The following PCDHA13 variants were observed in gnomAD, a reference collection of about 807,000 sequenced individuals.
PCDHA13 encodes protocadherin alpha-13.
Under a neutral mutation model 64.8 loss-of-function variants are expected in PCDHA13, and 54 were observed. The ratio of observed to expected loss-of-function variants is 0.83; its 90% CI spans 0.67 to 1.04. PCDHA13 has a LOEUF of 1.04. Among genes scored for constraint, PCDHA13 ranks in the 50% least tolerant of loss-of-function variants. PCDHA13 has a pLI of 0.00. For missense variants in PCDHA13, 1,248 were observed against 1,254.3 expected (o/e 0.99, Z 0.08); for synonymous variants, 587 against 564.4 (o/e 1.04, Z -0.57).
chr5:140,990,729 C>G (rs2097409512), intron 3 of PCDHA13, among the ~76,000 whole-genome samples: 1 of 152,134 alleles, frequency 6.6e-6, no homozygotes, highest in Non-Finnish European at 1.5e-5. Flanking sequence ...CTAGGTATAT[C>G]AACAGCCCTA....
Position 140,946,631 on chromosome 5 carries a change from T to TATATATATATATATACAC in PCDHA13, c.2395-32317_2395-32316insTATATATATATATACACA, listed in dbSNP as rs57893927. 8.0e-4 allele frequency among the ~76,000 whole-genome samples: 106 copies of TATATATATATATATACAC among 131,838 alleles called. 2 individuals carry two copies. The East Asian group carries it at 0.018, about 23-fold the overall frequency. 86.5% of individuals were successfully genotyped at this position (131,838 alleles called of 152,430 possible). A position where few individuals can be genotyped will look rare whatever the true frequency, so the allele number is the denominator to read the frequency against. On this transcript the variant is annotated intron_variant, in intron 1 of 3. Transcript: ENST00000289272. ...TGTGAAATATATATATATATATATA[T>TATATATATATATATACAC]ACAATGGAATACTCATCAGCCATTA...
At chr5:140,972,296 T>C (rs1303430452) in intron 1 of PCDHA13, among the ~76,000 whole-genome samples, 2 of 151,468 alleles carry the variant, frequency 1.3e-5, no homozygotes, top group Non-Finnish European at 2.9e-5. Flanking sequence ...TGCGCCACCG[T>C]GTCTGACTAG....
intron 3 of PCDHA13, among the ~76,000 whole-genome samples, chr5:141,000,500 T>A (rs1440390927): frequency 5.7e-5 from 8 of 140,516 alleles, no homozygotes; most frequent in Non-Finnish European, 1.2e-4. Context: ...AGATCTCGGC[T>A]CACTGCAACC....
chr5:140,968,637 T>C, intron 1 of PCDHA13: 1 of 1,614,208 alleles, frequency 6.2e-7, no homozygotes. Flanking sequence ...TTTTACCATC[T>C]AGCCCAGACT....
chr5:140,924,714 G>C (rs2081964744), intron 1 of PCDHA13, among the ~76,000 whole-genome samples: 1 of 151,860 alleles, frequency 6.6e-6, no homozygotes, highest in African/African-American at 2.4e-5. Context: ...GTGCAACATG[G>C]CGAAACCTCA....
chr5:140,897,255 C>A (rs890766563), intron 1 of PCDHA13, among the ~76,000 whole-genome samples: 2 of 151,828 alleles, frequency 1.3e-5, no homozygotes, highest in Admixed American at 1.3e-4. Flanking sequence ...CATATGTATA[C>A]ATGTGCCATG....
rs2098418726 is a variant in PCDHA13 at position 141,010,899 on chromosome 5, C to T, written c.*962C>T. 2 of 153,680 alleles carry T rather than the reference C, an allele frequency of 1.3e-5. No individual in the cohort carries two copies. Among genetic ancestry groups the T allele is most frequent in the Admixed American group, 6.6e-5 (1 of 15,264 alleles). The allele number at this position is 153,680 out of a possible 1,614,324, so 9.5% of individuals were successfully genotyped here. ...TTTAAAGAGAAATATGAATACAATT[C>T]CCCTAAACTCTCCTCAAAAGAGAAT... On this transcript the variant is annotated 3_prime_UTR_variant, in exon 4 of 4. Coordinates refer to ENST00000289272, the MANE Select transcript of PCDHA13 (RefSeq NM_018904.3).
At position 140,883,378 on chromosome 5, in the gene PCDHA13, C is replaced by A; in HGVS notation, c.1110C>A (p.Ala370=). Residue 370 remains alanine, a synonymous_variant, in exon 1 of 4, where the codon GCC becomes GCA. Coordinates refer to ENST00000289272, the MANE Select transcript of PCDHA13 (RefSeq NM_018904.3). ...REDTQPSAII[A]LISVSDRDSG... ...ACACTCAGCCTAGCGCCATTATTGCCCTAATCAGTGTGTCCGATCGTGACT... is the reference window on the plus strand; with the variant it reads ...ACACTCAGCCTAGCGCCATTATTGCACTAATCAGTGTGTCCGATCGTGACT... 1 of 1,614,146 alleles carries A rather than the reference C, an allele frequency of 6.2e-7. No individual in the cohort carries two copies.
chr5:140,941,218 T>TCTTTCTTC, intron 1 of PCDHA13, among the ~76,000 whole-genome samples: 1 of 125,730 alleles, frequency 8.0e-6, no homozygotes, highest in African/African-American at 3.3e-5. Context: ...TTTCTTCCTT[T>TCTTTCTTC]CTTTCTTTCT....
At chr5:140,934,729 T>G (rs2090016432) in intron 1 of PCDHA13, among the ~76,000 whole-genome samples, 1 of 152,164 alleles carries the variant, frequency 6.6e-6, no homozygotes, top group Non-Finnish European at 1.5e-5. Context: ...CAAGGCCTTT[T>G]TTAGGTGTCA....
intron 1 of PCDHA13, chr5:140,967,928 A>T (rs1438894870): frequency 3.1e-6 from 5 of 1,614,082 alleles, no homozygotes; most frequent in Non-Finnish European, 3.4e-6. Flanking sequence ...GGCCGTTCTC[A>T]GTGTCAATGA....
At chr5:140,937,064 G>A (rs2091301496) in intron 1 of PCDHA13, among the ~76,000 whole-genome samples, 1 of 143,854 alleles carries the variant, frequency 7.0e-6, no homozygotes, top group Admixed American at 7.1e-5. Context: ...TTGAGACGGA[G>A]TCTCGCTCTG....
Position 140,884,593 on chromosome 5 carries a change from C to A in PCDHA13, c.2325C>A (p.Ser775Arg). Reference protein sequence around the residue: ...HKTDLMAFSPSLPPCLGSAEG... With the variant: ...HKTDLMAFSPRLPPCLGSAEG... ...CGGACCTCATGGCCTTCAGTCCCAG[C>A]CTTCCTCCTTGTCTGGGTTCTGCAG... The change falls in exon 1 of 4, where the codon AGC becomes AGA. Residue 775 changes from serine to arginine, a missense_variant. Coordinates refer to ENST00000289272, the MANE Select transcript of PCDHA13 (RefSeq NM_018904.3). The A allele has an allele frequency of 6.2e-7, 1 of 1,614,162 alleles. No individual in the cohort carries two copies. Among genetic ancestry groups the A allele is most frequent in the Non-Finnish European group, 8.5e-7 (1 of 1,180,020 alleles).
At chr5:140,925,941 G>A (rs1311329302) in intron 1 of PCDHA13, among the ~76,000 whole-genome samples, 2 of 138,504 alleles carry the variant, frequency 1.4e-5, no homozygotes, top group South Asian at 2.1e-4. Flanking sequence ...GAGCCTCTTG[G>A]AGAAGGAGAA....
At chr5:140,964,658 G>T (rs2095846855) in intron 1 of PCDHA13, among the ~76,000 whole-genome samples, 1 of 151,968 alleles carries the variant, frequency 6.6e-6, no homozygotes, top group Admixed American at 6.6e-5. Context: ...AATGGGTGAG[G>T]ACACAGGCCA....
chr5:140,955,386 G>T (rs942993673), intron 1 of PCDHA13, among the ~76,000 whole-genome samples: 4 of 152,080 alleles, frequency 2.6e-5, no homozygotes, highest in African/African-American at 9.7e-5. Flanking sequence ...AATCATGGGG[G>T]CAATTATCCC....
intron 1 of PCDHA13, among the ~76,000 whole-genome samples, chr5:140,937,273 G>A (rs1165421382): frequency 1.3e-5 from 2 of 151,966 alleles, no homozygotes; most frequent in African/African-American, 2.4e-5. Context: ...TCCTGACCTC[G>A]TGATTCACCC....
At chr5:140,942,445 A>G (rs1323056710) in intron 1 of PCDHA13, among the ~76,000 whole-genome samples, 5 of 152,016 alleles carry the variant, frequency 3.3e-5, no homozygotes, top group Non-Finnish European at 7.4e-5. Context: ...AAACAAGTAA[A>G]CTATCAATTA....
chr5:141,000,395 C>CTCTCTATA (rs1213762225), intron 3 of PCDHA13, among the ~76,000 whole-genome samples: 1 of 53,986 alleles, frequency 1.9e-5, no homozygotes, highest in Non-Finnish European at 3.2e-5. Flanking sequence ...CTCTCTCTCT[C>CTCTCTATA]TATATATATA....
Sources: gnomAD v4.1 joint callset for allele counts (sites outside exome capture counted in the v4.1 genomes callset) on GRCh38, gnomAD v4.1.1 for gene constraint, MANE v1.5 for transcripts, NCBI Gene and HGNC (gene_info 2026-07-23, HGNC 2026-07-21) for gene names.